The following ARHGAP29 variants were observed in gnomAD, a reference collection of about 807,000 sequenced individuals.
ARHGAP29 encodes rho GTPase-activating protein 29.
Under a neutral mutation model 122.6 loss-of-function variants are expected in ARHGAP29, and 43 were observed. The observed-to-expected ratio is 0.35, with a 90% CI of 0.27 to 0.45. ARHGAP29 has a LOEUF of 0.45. ARHGAP29 is among the 20% of genes least tolerant of loss of function. The pLI is 1.00. For synonymous variants in ARHGAP29, 506 were observed against 497.1 expected (o/e 1.02, Z -0.24); for missense variants, 1,303 against 1,477.2 (o/e 0.88, Z 1.93).
chr1:94,209,233 A>G (rs756282630), intron 4 of ARHGAP29, 21 bp downstream of exon 4: 23 of 1,555,046 alleles, frequency 1.5e-5, no homozygotes, highest in Admixed American at 8.8e-5. Flanking sequence ...TAGTTGCTTT[A>G]AATGACAGTT....
intron 1 of ARHGAP29, among the ~76,000 whole-genome samples, chr1:94,249,096 G>T (rs926387524): frequency 3.3e-5 from 5 of 152,208 alleles, no homozygotes; most frequent in Non-Finnish European, 5.9e-5. Context: ...GCTGTGTTTG[G>T]CAAAGAAACT....
At chr1:94,239,200 A>T (rs1367131511), upstream of ARHGAP29, among the ~76,000 whole-genome samples, 7 of 152,208 alleles carry the variant, frequency 4.6e-5, no homozygotes, top group Non-Finnish European at 1.0e-4. Flanking sequence ...AAGAGGAGAC[A>T]AAGGAGTCCC....
the ARHGAP29 span, among the ~76,000 whole-genome samples, chr1:94,300,560 A>T: frequency 1.3e-5 from 2 of 152,148 alleles, no homozygotes; most frequent in Non-Finnish European, 2.9e-5. Context: ...CCTGAATTAG[A>T]TCCCCCCATA....
intron 4 of ARHGAP29, 64 bp downstream of exon 4, chr1:94,209,190 A>T: frequency 2.6e-6 from 3 of 1,161,850 alleles, no homozygotes; most frequent in South Asian, 1.3e-5. Context: ...GTTACTGGAT[A>T]ATGCAACATA....
upstream of ARHGAP29, among the ~76,000 whole-genome samples, chr1:94,278,503 C>T (rs1280001521): frequency 6.6e-6 from 1 of 151,936 alleles, no homozygotes; most frequent in East Asian, 1.9e-4. Context: ...AAAGAATAAC[C>T]CAGAGATACT....
chr1:94,182,785 G>T (rs1488746786), intron 19 of ARHGAP29, among the ~76,000 whole-genome samples: 1 of 151,510 alleles, frequency 6.6e-6, no homozygotes. Flanking sequence ...CCTTGCTCAA[G>T]TATGGGCATG....
At chr1:94,258,738 T>C (rs1375319502) in intron 1 of ARHGAP29, among the ~76,000 whole-genome samples, 2 of 152,228 alleles carry the variant, frequency 1.3e-5, no homozygotes, top group Non-Finnish European at 2.9e-5. Flanking sequence ...TTATTTACTC[T>C]TCACAATCAC....
the ARHGAP29 span, among the ~76,000 whole-genome samples, chr1:94,309,836 T>C: frequency 0.032 from 4,854 of 152,218 alleles, 96 homozygotes; most frequent in Non-Finnish European, 0.048. Context: ...AATGGCGATC[T>C]CCCTTATTCA....
At chr1:94,268,790 G>GATATAT (rs35386303) in intron 1 of ARHGAP29, among the ~76,000 whole-genome samples, 1 of 150,370 alleles carries the variant, frequency 6.7e-6, no homozygotes, top group African/African-American at 2.4e-5. Flanking sequence ...GGCTCAAGAA[G>GATATAT]ATATATATAT....
intron 1 of ARHGAP29, among the ~76,000 whole-genome samples, chr1:94,249,977 C>T (rs957728462): frequency 3.3e-5 from 5 of 150,488 alleles, no homozygotes; most frequent in African/African-American, 1.2e-4. Context: ...ATGGTAGGCC[C>T]AGCAGTAAAA....
the ARHGAP29 span, among the ~76,000 whole-genome samples, chr1:94,280,680 T>C: frequency 1.3e-3 from 191 of 152,298 alleles, 1 homozygote; most frequent in Non-Finnish European, 2.4e-3. Flanking sequence ...AATGAATACA[T>C]GGATGAGAGC....
intron 19 of ARHGAP29, among the ~76,000 whole-genome samples, chr1:94,181,147 A>G (rs892668777): frequency 6.6e-6 from 1 of 152,214 alleles, no homozygotes; most frequent in Non-Finnish European, 1.5e-5. Flanking sequence ...CAAATGAACA[A>G]GTACTGACTT....
the ARHGAP29 span, among the ~76,000 whole-genome samples, chr1:94,293,430 C>T: frequency 0.23 from 35,156 of 152,156 alleles, 4,290 homozygotes; most frequent in East Asian, 0.46. Context: ...CGACCCTTTG[C>T]ACTTCCTGGG....
intron 1 of ARHGAP29, among the ~76,000 whole-genome samples, chr1:94,259,472 T>G (rs546621357): frequency 2.0e-5 from 3 of 152,188 alleles, no homozygotes; most frequent in Non-Finnish European, 4.4e-5. Flanking sequence ...TCTTTGCAGA[T>G]ATAATTAGTT....
chr1:94,201,383 C>T (rs373561874), intron 12 of ARHGAP29, among the ~76,000 whole-genome samples: 1 of 152,076 alleles, frequency 6.6e-6, no homozygotes, highest in African/African-American at 2.4e-5. Flanking sequence ...ATCTAAATCC[C>T]GTAAGAATTG....
chr1:94,297,216 C>T, the ARHGAP29 span, among the ~76,000 whole-genome samples: 1 of 152,160 alleles, frequency 6.6e-6, no homozygotes, highest in Non-Finnish European at 1.5e-5. Context: ...CTGGCAGCAG[C>T]ATGTGACAGC....
Position 94,201,855 on chromosome 1 carries a change from T to C in ARHGAP29, c.1146A>G (p.Val382=). ...RRLEEEALQK[V]EEANELYKVC... ...CTTTGTAAAGTTCATTTGCTTCTTC[T>C]ACCTTCACAAATATCACAGAAAAAA... The change falls in exon 12 of 23, where the codon GTA becomes GTG. Residue 382 remains valine (V), a splice_region_variant and synonymous_variant. Transcript: ENST00000260526. 1 of 1,581,234 alleles carries C rather than the reference T, an allele frequency of 6.3e-7. No homozygotes were observed. Among genetic ancestry groups the C allele is most frequent in the Non-Finnish European group, 8.6e-7 (1 of 1,169,158 alleles).
Position 94,184,234 on chromosome 1 carries a change from A to G in ARHGAP29, c.2164T>C (p.Leu722=). The G allele has an allele frequency of 6.2e-7, 1 of 1,612,520 alleles. No individual in the cohort carries two copies. Among genetic ancestry groups the G allele is most frequent in the Non-Finnish European group, 8.5e-7 (1 of 1,179,342 alleles). ...TCTACCAAGTGCATTCCATTTTCCAAAGCTTGACACAATTTTTCAGTTTTT... is the reference window on the plus strand; with the variant it reads ...TCTACCAAGTGCATTCCATTTTCCAGAGCTTGACACAATTTTTCAGTTTTT... ...KIKTEKLCQA[L]ENGMHLVDIS... Residue 722 remains leucine (L), a synonymous_variant, in exon 19 of 23, where the codon TTG becomes CTG. Transcript: ENST00000260526.
rs1648818201 is a variant in ARHGAP29 at position 94,172,661 on chromosome 1, C to A, written c.*1208G>T. ...CAAGTATAACACAGTCATACAAAAA[C>A]ATTTAGTAGAAATATAATTCACACA... On this transcript the variant is annotated 3_prime_UTR_variant, in exon 23 of 23. Coordinates refer to ENST00000260526, the MANE Select transcript of ARHGAP29 (RefSeq NM_004815.4). 6.6e-6 allele frequency: 1 copy of A among 150,448 alleles called. No individual in the cohort carries two copies. The highest frequency in any genetic ancestry group is 2.4e-5 in the African/African-American group (1 of 40,946). 9.3% of individuals were successfully genotyped at this position (150,448 alleles called of 1,614,324 possible). A position where few individuals can be genotyped will look rare whatever the true frequency, so the allele number is the denominator to read the frequency against.
Sources: allele counts gnomAD v4.1 joint callset (sites outside exome capture counted in the v4.1 genomes callset), GRCh38; gene constraint gnomAD v4.1.1; transcripts MANE v1.5; gene names NCBI Gene and HGNC (gene_info 2026-07-23, HGNC 2026-07-21).